The following RYR2 variants were observed in gnomAD, a reference collection of about 807,000 sequenced individuals.
RYR2 encodes ryanodine receptor 2.
A neutral mutation model predicts 601.1 loss-of-function variants in RYR2; 227 were observed. The ratio of observed to expected loss-of-function variants is 0.38; its 90% confidence interval spans 0.34 to 0.42. The LOEUF (loss-of-function observed/expected upper bound fraction) is 0.42, where lower values mean the gene tolerates loss of function less well. Among genes scored for constraint, RYR2 ranks in the 10% least tolerant of loss-of-function variants. RYR2 has a pLI of 1.00. For synonymous variants in RYR2, 2,223 were observed against 2,175.1 expected (o/e 1.02, Z -0.61); for missense variants, 4,646 against 6,156.5 (o/e 0.75, Z 8.21).
chr1:237,043,002 T>C (rs1660107834), intron 1 of RYR2, among the ~76,000 whole-genome samples: 1 of 151,950 alleles, frequency 6.6e-6, no homozygotes, highest in South Asian at 2.1e-4. Flanking sequence ...ACTCGGGCTG[T>C]TTCTGGGAAT....
intron 102 of RYR2, among the ~76,000 whole-genome samples, chr1:237,829,630 C>A (rs1663551561): frequency 6.6e-6 from 1 of 152,164 alleles, no homozygotes; most frequent in African/African-American, 2.4e-5. Context: ...TCCCCAGTTG[C>A]TCAATGTGAC....
At chr1:237,064,761 T>A (rs1331281436) in intron 1 of RYR2, among the ~76,000 whole-genome samples, 8 of 31,214 alleles carry the variant, frequency 2.6e-4, no homozygotes, top group Non-Finnish European at 4.6e-4. Context: ...CTTTTTTTTT[T>A]TTTTTTTTTT....
At chr1:237,332,158 G>T (rs556533439) in intron 3 of RYR2, among the ~76,000 whole-genome samples, 33 of 152,092 alleles carry the variant, frequency 2.2e-4, no homozygotes, top group Non-Finnish European at 3.7e-4. Context: ...ATTAAAAAAT[G>T]GTAATATATA....
intron 10 of RYR2, among the ~76,000 whole-genome samples, chr1:237,391,181 A>G (rs1490913111): frequency 6.6e-6 from 1 of 152,094 alleles, no homozygotes; most frequent in Non-Finnish European, 1.5e-5. Context: ...TTATTTCCCT[A>G]GGTCATTGTA....
chr1:237,640,832 T>C (rs1274909799), intron 46 of RYR2, 65 bp from the exon 47 acceptor site: 1 of 1,261,668 alleles, frequency 7.9e-7, no homozygotes, highest in African/African-American at 1.5e-5. Context: ...CGGAGAGATA[T>C]GTAATAAACA....
chr1:237,592,786 T>C (rs2927943), intron 32 of RYR2, among the ~76,000 whole-genome samples: 60,223 of 151,366 alleles, frequency 0.4, 13,422 homozygotes, highest in Admixed American at 0.5. Context: ...TTTGGGAGGC[T>C]GAGGCAGGTG....
intron 8 of RYR2, among the ~76,000 whole-genome samples, chr1:237,377,901 A>G (rs1332399744): frequency 2.0e-5 from 3 of 152,206 alleles, no homozygotes; most frequent in Admixed American, 6.5e-5. Flanking sequence ...TTTGAAGTCT[A>G]TCATTGACAC....
At chr1:237,573,978 C>A (rs1672971329) in intron 29 of RYR2, among the ~76,000 whole-genome samples, 1 of 152,078 alleles carries the variant, frequency 6.6e-6, no homozygotes, top group South Asian at 2.1e-4. Context: ...GGCTCTCATT[C>A]CCTCAACTCC....
chr1:237,127,467 AC>A (rs1191072904), intron 1 of RYR2, among the ~76,000 whole-genome samples: 2 of 132,118 alleles, frequency 1.5e-5, no homozygotes, highest in Non-Finnish European at 3.2e-5. Context: ...CAGGGGGCTG[AC>A]CCCCCCACCT....
intron 28 of RYR2, among the ~76,000 whole-genome samples, chr1:237,567,434 A>AAG (rs1672205349): frequency 7.0e-6 from 1 of 142,502 alleles, no homozygotes; most frequent in Non-Finnish European, 1.5e-5. Flanking sequence ...AAAAAAAAAA[A>AAG]TTAAAATTAG....
chr1:237,405,701 A>G (rs1056317687), intron 10 of RYR2, among the ~76,000 whole-genome samples: 3 of 151,898 alleles, frequency 2.0e-5, no homozygotes. Context: ...TTTAGGTCCT[A>G]TTGATTTTAT....
At chr1:237,208,959 T>C (rs866792609) in intron 1 of RYR2, among the ~76,000 whole-genome samples, 2 of 101,268 alleles carry the variant, frequency 2.0e-5, no homozygotes, top group African/African-American at 6.7e-5. Flanking sequence ...TATATATATA[T>C]ATATATATAT....
At chr1:237,104,579 T>C (rs921964041) in intron 1 of RYR2, among the ~76,000 whole-genome samples, 4 of 152,222 alleles carry the variant, frequency 2.6e-5, no homozygotes, top group African/African-American at 7.2e-5. Context: ...TGCCTTTTTT[T>C]CTTTGCCCGG....
intron 1 of RYR2, among the ~76,000 whole-genome samples, chr1:237,133,782 G>A (rs1456431006): frequency 6.6e-6 from 1 of 152,004 alleles, no homozygotes; most frequent in Non-Finnish European, 1.5e-5. Flanking sequence ...AAAATTAGCT[G>A]GGCATGGTGG....
intron 10 of RYR2, among the ~76,000 whole-genome samples, chr1:237,398,204 C>T (rs1703035516): frequency 6.6e-6 from 1 of 152,110 alleles, no homozygotes; most frequent in Admixed American, 6.5e-5. Context: ...GGGGTCCTCT[C>T]AGCCAAGAGA....
chr1:237,511,769 C>G lies in RYR2; in HGVS notation c.2800C>G (p.Gln934Glu). ...LPEQERNYNLQMSLETLKTLL... is the reference protein window; with the variant it reads ...LPEQERNYNLEMSLETLKTLL... Reference sequence around the variant, plus strand: ...TGAACAGGAGCGCAATTACAACTTACAAATGTCGCTTGAGACCCTGAAGTG... The same window carrying G: ...TGAACAGGAGCGCAATTACAACTTAGAAATGTCGCTTGAGACCCTGAAGTG... Residue 934 changes from glutamine (Q) to glutamate (E), a missense_variant, in exon 24 of 105, where the codon CAA (glutamine) becomes GAA (glutamate). By Grantham distance (29) the Gln-to-Glu change is conservative. This residue lies in a region of RYR2 where 1,807 missense variants were observed against 2,088.1 expected (regional missense o/e 0.87). Coordinates refer to ENST00000366574, the MANE Select transcript of RYR2 (RefSeq NM_001035.3). 1 of 1,427,416 alleles carries G rather than the reference C, an allele frequency of 7.0e-7. No individual in the cohort carries two copies. Among genetic ancestry groups the G allele is most frequent in the Non-Finnish European group, 9.4e-7 (1 of 1,066,374 alleles). The allele number at this position is 1,427,416 out of a possible 1,614,324, so 88.4% of individuals were successfully genotyped here.
chr1:237,711,794 A>G lies in RYR2; in HGVS notation c.10280A>G (p.Asn3427Ser). 1 of 1,582,316 alleles carries G rather than the reference A, an allele frequency of 6.3e-7. No individual in the cohort carries two copies. The highest frequency in any genetic ancestry group is 8.7e-7 in the Non-Finnish European group (1 of 1,153,066). The change falls in exon 71 of 105, where the codon AAT becomes AGT. Residue 3427 changes from asparagine to serine, a missense_variant. Physicochemically the swap from Asn to Ser is conservative, Grantham distance 46. This residue lies in a region of RYR2 where 1,497 missense variants were observed against 1,842.6 expected (regional missense o/e 0.81). Transcript: ENST00000366574. The part of the protein sequence containing the change: ...QNFVVQNEIN[N>S]MSFLITDTKS... ...TTCGTTGTACAGAATGAAATCAACA[A>G]TATGTCTTTCCTTATTACTGATACC...
At chr1:237,548,267 T>C (rs528980824) in intron 25 of RYR2, among the ~76,000 whole-genome samples, 164 bp from the exon 26 acceptor site, 1 of 152,182 alleles carries the variant, frequency 6.6e-6, no homozygotes, top group Non-Finnish European at 1.5e-5. Flanking sequence ...GATCAGTTAT[T>C]AGCTAAAGTG....
intron 1 of RYR2, among the ~76,000 whole-genome samples, chr1:237,058,491 C>T (rs1662442626): frequency 6.6e-6 from 1 of 152,210 alleles, no homozygotes; most frequent in East Asian, 1.9e-4. Flanking sequence ...GTAAATTCCA[C>T]ATTTGTTCCA....
Sources: gnomAD v4.1 joint callset for allele counts (sites outside exome capture counted in the v4.1 genomes callset) on GRCh38, gnomAD v4.1.1 for gene constraint, gnomAD v4.1.1 regional missense constraint, MANE v1.5 for transcripts, NCBI Gene and HGNC (gene_info 2026-07-23, HGNC 2026-07-21) for gene names.